Variants in UMAD1 observed in about 807,000 individuals in gnomAD.
The protein encoded by UMAD1 is UBAP1-MVB12-associated (UMA)-domain containing protein 1.
UMAD1 carries 8 observed loss-of-function variants against 6.1 expected under a neutral mutation model. The observed-to-expected ratio is 1.30, with a 90% CI of 0.76 to 2.35. UMAD1 has a LOEUF of 2.35. Among genes scored for constraint, UMAD1 ranks in the 30% most tolerant of loss-of-function variants. UMAD1 has a pLI of 0.00. For synonymous variants in UMAD1, 56 were observed against 31.4 expected (o/e 1.78, Z -2.61); for missense variants, 130 against 78.4 (o/e 1.66, Z -2.49).
chr7:7,725,889 C>A (rs1781129615), intron 2 of UMAD1, among the ~76,000 whole-genome samples: 1 of 152,216 alleles, frequency 6.6e-6, no homozygotes, highest in Admixed American at 6.5e-5. Flanking sequence ...GCATGATATG[C>A]AGGCACCACC....
intron 1 of UMAD1, among the ~76,000 whole-genome samples, chr7:7,668,741 A>C (rs1779531810): frequency 1.3e-5 from 2 of 152,234 alleles, no homozygotes; most frequent in Non-Finnish European, 2.9e-5. Context: ...AATGAATGTT[A>C]GTGATACATA....
chr7:7,655,113 A>T (rs900716123), intron 1 of UMAD1, among the ~76,000 whole-genome samples: 8 of 152,144 alleles, frequency 5.3e-5, no homozygotes, highest in Non-Finnish European at 7.4e-5. Context: ...AGTTCCTGGT[A>T]GTAGATATCT....
chr7:7,820,668 C>T (rs946518619), intron 3 of UMAD1, among the ~76,000 whole-genome samples: 1 of 151,986 alleles, frequency 6.6e-6, no homozygotes. Context: ...GGCCAAAGAG[C>T]TTGTTAGCCT....
intron 2 of UMAD1, among the ~76,000 whole-genome samples, chr7:7,675,402 A>G (rs772959664): frequency 8.5e-5 from 13 of 152,060 alleles, no homozygotes; most frequent in Non-Finnish European, 1.6e-4. Context: ...GATCTCCTCC[A>G]ATTTCTGGTA....
intron 2 of UMAD1, chr7:7,685,981 C>G (rs1780033740): frequency 6.6e-6 from 1 of 152,178 alleles, no homozygotes. Context: ...GCTCCAGATT[C>G]CTGGGCCTTG....
intron 2 of UMAD1, among the ~76,000 whole-genome samples, chr7:7,676,573 T>G (rs937620006): frequency 2.0e-5 from 3 of 152,202 alleles, no homozygotes; most frequent in African/African-American, 7.2e-5. Context: ...TTCTCTACAA[T>G]TGAAAAGAGA....
chr7:7,774,711 A>G (rs1021051375), intron 2 of UMAD1, among the ~76,000 whole-genome samples: 4 of 152,052 alleles, frequency 2.6e-5, no homozygotes, highest in Admixed American at 1.3e-4. Flanking sequence ...TTGATTCCCA[A>G]CCCACTGCTT....
chr7:7,675,091 C>T (rs1453276224), intron 2 of UMAD1, among the ~76,000 whole-genome samples: 1 of 152,122 alleles, frequency 6.6e-6, no homozygotes, highest in East Asian at 1.9e-4. Context: ...TCTTGAACTC[C>T]TGGCCTCAAG....
At chr7:7,692,255 A>G (rs1052717043) in intron 2 of UMAD1, 14 of 152,334 alleles carry the variant, frequency 9.2e-5, no homozygotes, top group African/African-American at 3.4e-4. Context: ...TCTAGTCCTC[A>G]CCAGGAAAAT....
intron 3 of UMAD1, among the ~76,000 whole-genome samples, chr7:7,832,000 G>A (rs887849359): frequency 3.3e-5 from 5 of 152,046 alleles, no homozygotes; most frequent in African/African-American, 1.2e-4. Context: ...TGCAGTTTTT[G>A]CCTGAACAAC....
chr7:7,692,700 C>T (rs186298879), intron 2 of UMAD1, among the ~76,000 whole-genome samples: 8 of 152,298 alleles, frequency 5.3e-5, no homozygotes, highest in African/African-American at 1.7e-4. Context: ...ACCTCCACCT[C>T]CTGGGTTCAA....
At chr7:7,854,730 A>G (rs1783982667) in intron 3 of UMAD1, among the ~76,000 whole-genome samples, 1 of 152,132 alleles carries the variant, frequency 6.6e-6, no homozygotes, top group South Asian at 2.1e-4. Context: ...ATTTCAAAAC[A>G]CAATCATATC....
intron 2 of UMAD1, among the ~76,000 whole-genome samples, chr7:7,794,927 G>A (rs151270872): frequency 2.3e-3 from 346 of 152,258 alleles, no homozygotes; most frequent in African/African-American, 7.9e-3. Context: ...TACTTAACAA[G>A]AACCTTGGCT....
chr7:7,802,408 C>T (rs1194052455), intron 3 of UMAD1, among the ~76,000 whole-genome samples: 2 of 151,650 alleles, frequency 1.3e-5, no homozygotes, highest in Admixed American at 6.6e-5. Flanking sequence ...TTCAAAATCC[C>T]GTTGCCTTAC....
At chr7:7,765,188 A>C (rs1246027450) in intron 2 of UMAD1, among the ~76,000 whole-genome samples, 1 of 151,882 alleles carries the variant, frequency 6.6e-6, no homozygotes, top group Non-Finnish European at 1.5e-5. Flanking sequence ...TCCTTCACTC[A>C]TATCTTGCCT....
intron 2 of UMAD1, among the ~76,000 whole-genome samples, chr7:7,684,690 T>G (rs1779997475): frequency 6.6e-6 from 1 of 152,252 alleles, no homozygotes; most frequent in South Asian, 2.1e-4. Context: ...CCAACTGATC[T>G]ATGACTCTTT....
At chr7:7,732,707 G>A (rs1781280785) in intron 2 of UMAD1, among the ~76,000 whole-genome samples, 1 of 152,186 alleles carries the variant, frequency 6.6e-6, no homozygotes, top group Non-Finnish European at 1.5e-5. Flanking sequence ...AATGTGGTCT[G>A]GATGAATACA....
chr7:7,836,635 C>G (rs1211693860), intron 3 of UMAD1, among the ~76,000 whole-genome samples: 2 of 151,378 alleles, frequency 1.3e-5, no homozygotes, highest in African/African-American at 4.8e-5. Flanking sequence ...AAAAGGCAAA[C>G]TTAAAATATT....
rs938995962 is a variant in UMAD1 at position 7,732,210 on chromosome 7, G to A, written c.82+58757G>A. ...AATATTAGCCAACTGATATGTTTTT[G>A]TTAAACGTAAAAGAGTAGATCCTCC... On this transcript the variant is annotated intron_variant, in intron 2 of 3. Coordinates refer to ENST00000682710, the MANE Select transcript of UMAD1 (RefSeq NM_001302348.2). 2.0e-5 allele frequency among the ~76,000 whole-genome samples: 3 copies of A among 151,966 alleles called. No individual in the cohort carries two copies. In the East Asian group the frequency reaches 5.8e-4, roughly 29 times the overall value.
Sources: allele counts gnomAD v4.1 joint callset (sites outside exome capture counted in the v4.1 genomes callset), GRCh38; gene constraint gnomAD v4.1.1; transcripts MANE v1.5; gene names NCBI Gene and HGNC (gene_info 2026-07-23, HGNC 2026-07-21).